Variants in ARID3B observed in about 807,000 individuals in gnomAD.
ARID3B encodes the protein AT-rich interactive domain-containing protein 3B.
A neutral mutation model predicts 51.9 loss-of-function variants in ARID3B; 10 were observed. That is an observed-to-expected ratio of 0.19 (90% confidence interval 0.12 to 0.33). The LOEUF (loss-of-function observed/expected upper bound fraction) is 0.33, where lower values mean the gene tolerates loss of function less well. Among genes scored for constraint, ARID3B ranks in the 10% least tolerant of loss-of-function variants. The pLI, the probability that ARID3B is intolerant of heterozygous loss-of-function variation, is 1.00. For synonymous variants in ARID3B, 205 were observed against 279.5 expected (o/e 0.73, Z 2.66); for missense variants, 483 against 716.3 (o/e 0.67, Z 3.72).
chr15:74,586,363 C>T lies in ARID3B; in HGVS notation c.698-3457C>T, dbSNP rs1347183006. On this transcript the variant is annotated intron_variant, in intron 4 of 8. Coordinates refer to ENST00000346246, the MANE Select transcript of ARID3B (RefSeq NM_006465.4). ...CTCAGGTTCTGTATCTGCCATTGTT[C>T]CCCTGGCCCTAAGCAGTTCTCAGTC... 2.0e-5 allele frequency among the ~76,000 whole-genome samples: 3 copies of T among 152,228 alleles called. No homozygotes were observed. The South Asian group carries it at 6.2e-4, about 31-fold the overall frequency.
At chr15:74,573,082 C>G in intron 3 of ARID3B, 50 bp from the exon 4 acceptor site, 1 of 1,606,088 alleles carries the variant, frequency 6.2e-7, no homozygotes, top group Non-Finnish European at 8.5e-7. Context: ...AAGACTTCAG[C>G]AAGATGGAAT....
At chr15:74,550,026 C>CAG (rs1214521904) in intron 2 of ARID3B, among the ~76,000 whole-genome samples, 1 of 152,242 alleles carries the variant, frequency 6.6e-6, no homozygotes, top group African/African-American at 2.4e-5. Context: ...CAGACAGCAC[C>CAG]AGAGACTCTT....
intron 2 of ARID3B, among the ~76,000 whole-genome samples, chr15:74,561,376 G>A (rs1299014603): frequency 6.6e-6 from 1 of 152,158 alleles, no homozygotes; most frequent in African/African-American, 2.4e-5. Flanking sequence ...TTATCACATG[G>A]ATAGCACCTT....
At chr15:74,586,540 TCTG>T (rs949053998) in intron 4 of ARID3B, among the ~76,000 whole-genome samples, 1 of 152,260 alleles carries the variant, frequency 6.6e-6, no homozygotes, top group Non-Finnish European at 1.5e-5. Flanking sequence ...GTAATTCCTC[TCTG>T]GGGAGTTGCC....
intron 2 of ARID3B, among the ~76,000 whole-genome samples, chr15:74,555,619 A>G (rs2061654578): frequency 2.0e-5 from 3 of 152,024 alleles, no homozygotes. Context: ...GGCATGAGCC[A>G]CCATGCCTGG....
Position 74,591,826 on chromosome 15 carries a change from T to G in ARID3B, c.1420+12T>G. The G allele has an allele frequency of 6.2e-7, 1 of 1,609,610 alleles. No homozygotes were observed. The highest frequency in any genetic ancestry group is 8.5e-7 in the Non-Finnish European group (1 of 1,176,702). On this transcript the variant is annotated intron_variant, in intron 7 of 8. Coordinates refer to ENST00000346246, the MANE Select transcript of ARID3B (RefSeq NM_006465.4). The surrounding 1 kb of genome is among the most constrained non-coding windows in gnomAD (Gnocchi z 5.8). ...GATCAACGGCAGGGGTGAGCCAGGC[T>G]CAGGGCCGGGCCTTCCCTTCCTGGA...
intron 2 of ARID3B, among the ~76,000 whole-genome samples, chr15:74,564,401 CAGTAGAGT>C (rs1308817841): frequency 6.6e-6 from 1 of 152,170 alleles, no homozygotes. Context: ...ATCAGGCCAG[CAGTAGAGT>C]AGTCACAAAT....
intron 2 of ARID3B, among the ~76,000 whole-genome samples, chr15:74,549,696 G>A (rs1368283185): frequency 6.6e-6 from 1 of 152,152 alleles, no homozygotes; most frequent in African/African-American, 2.4e-5. Context: ...TCTTTATAGA[G>A]CTACCTTGCA....
chr15:74,577,702 T>TTGTG (rs908052757), intron 4 of ARID3B, among the ~76,000 whole-genome samples: 29 of 151,442 alleles, frequency 1.9e-4, no homozygotes, highest in South Asian at 2.1e-4. Flanking sequence ...TTCTGTTTTT[T>TTGTG]TGTGTGTGTG....
intron 1 of ARID3B, among the ~76,000 whole-genome samples, chr15:74,542,226 C>T (rs553122583): frequency 1.2e-4 from 19 of 152,314 alleles, no homozygotes; most frequent in Admixed American, 3.3e-4. Context: ...CTGTAATTTT[C>T]TTTGACCCAA....
intron 8 of ARID3B, among the ~76,000 whole-genome samples, chr15:74,593,528 T>C (rs945339280): frequency 2.0e-5 from 3 of 152,194 alleles, no homozygotes; most frequent in African/African-American, 7.2e-5. Context: ...CCCCAGGTCT[T>C]CTCATGCACA....
intron 4 of ARID3B, 32 bp from the exon 5 acceptor site, chr15:74,589,788 C>T (rs763664770): frequency 9.5e-6 from 15 of 1,578,594 alleles, no homozygotes; most frequent in Admixed American, 5.3e-5. Context: ...ATGATGATCC[C>T]GCTGTCTCTT....
intron 4 of ARID3B, among the ~76,000 whole-genome samples, chr15:74,580,664 A>C (rs748280976): frequency 1.3e-5 from 2 of 152,230 alleles, no homozygotes; most frequent in Non-Finnish European, 2.9e-5. Flanking sequence ...ACCTAAGGCC[A>C]CAGAGCAGAC....
rs1174288063 is a variant in ARID3B at position 74,591,052 on chromosome 15, C to A, written c.882-99C>A. 5.3e-6 allele frequency: 8 copies of A among 1,504,962 alleles called. No individual in the cohort carries two copies. In the East Asian group the frequency reaches 1.4e-4, roughly 26 times the overall value. The allele number at this position is 1,504,962 out of a possible 1,614,324, so 93.2% of individuals were successfully genotyped here. The stretch of plus-strand genomic sequence containing the variant: ...GGTTGCAATCCTTTGCCCTAGAGTC[C>A]TGCCCAACAGAGACTGCTTCCAGAG... On this transcript the variant is annotated intron_variant, in intron 5 of 8. Transcript: ENST00000346246. This position sits in a 1 kb window ranked among gnomAD's most constrained non-coding sequence, Gnocchi z 5.8.
intron 2 of ARID3B, among the ~76,000 whole-genome samples, chr15:74,568,336 T>C (rs2061706913): frequency 6.6e-6 from 1 of 152,182 alleles, no homozygotes; most frequent in Non-Finnish European, 1.5e-5. Flanking sequence ...CCCTTCCTGA[T>C]CTCCTTATCC....
intron 4 of ARID3B, among the ~76,000 whole-genome samples, chr15:74,582,296 T>G (rs1271784623): frequency 1.3e-5 from 2 of 151,610 alleles, no homozygotes; most frequent in African/African-American, 2.4e-5. Context: ...GCCTCCCGAG[T>G]AGCTGGGATT....
Position 74,544,335 on chromosome 15 carries a change from A to G in ARID3B, c.399A>G (p.Arg133=), listed in dbSNP as rs1473597336. Reference sequence around the variant, plus strand: ...AGAAAGTAGCTCGCCAAGATCCCAGAGTGGCACCCATGTCCAATCTACTTC... The same window carrying G: ...AGAAAGTAGCTCGCCAAGATCCCAGGGTGGCACCCATGTCCAATCTACTTC... ...HVQKVARQDP[R]VAPMSNLLPA... is the part of the protein sequence containing the mutation. The change falls in exon 2 of 9, where the codon AGA becomes AGG. Residue 133 remains arginine (R), a synonymous_variant. Transcript: ENST00000346246. 1 of 1,612,122 alleles carries G rather than the reference A, an allele frequency of 6.2e-7. No homozygotes were observed. The highest frequency in any genetic ancestry group is 8.5e-7 in the Non-Finnish European group (1 of 1,178,982).
At chr15:74,571,691 G>C (rs1263303177) in intron 2 of ARID3B, among the ~76,000 whole-genome samples, 1 of 152,204 alleles carries the variant, frequency 6.6e-6, no homozygotes, top group Non-Finnish European at 1.5e-5. Flanking sequence ...ATATGGTGAG[G>C]ATGACAGATA....
chr15:74,591,605 C>T lies in ARID3B; in HGVS notation c.1211C>T (p.Ala404Val). Residue 404 changes from alanine to valine, a missense_variant, in exon 7 of 9, where the codon GCT becomes GTT. Physicochemically the swap from Ala to Val is moderately conservative, Grantham distance 64. Transcript: ENST00000346246. This position sits in a 1 kb window ranked among gnomAD's most constrained non-coding sequence, Gnocchi z 5.8. ...ACAGTGCCTGTGCCAAATCGTCTGG[C>T]TGTGCCCGTGACCTTGGCAAGCCAG... Reference protein sequence around the residue: ...VTTVPVPNRLAVPVTLASQQA... With the variant: ...VTTVPVPNRLVVPVTLASQQA... 4 of 1,605,534 alleles carry T rather than the reference C, an allele frequency of 2.5e-6. No homozygotes were observed. The highest frequency in any genetic ancestry group is 1.7e-6 in the Non-Finnish European group (2 of 1,176,104).
Sources: gnomAD v4.1 joint callset for allele counts (sites outside exome capture counted in the v4.1 genomes callset) on GRCh38, gnomAD v4.1.1 for gene constraint, Gnocchi (gnomAD v3.1) non-coding constraint, MANE v1.5 for transcripts, NCBI Gene and HGNC (gene_info 2026-07-23, HGNC 2026-07-21) for gene names.